DPP10: variants seen among roughly 807,000 people sequenced by gnomAD.
DPP10 encodes inactive dipeptidyl peptidase 10.
In DPP10, 33 loss-of-function variants were observed where a neutral mutation model predicts 120.9. That is an observed-to-expected ratio of 0.27 (90% CI 0.21 to 0.37). DPP10 has a LOEUF of 0.37. DPP10 is among the 10% of genes least tolerant of loss of function. The pLI, the probability that DPP10 is intolerant of heterozygous loss-of-function variation, is 1.00. For synonymous variants in DPP10, 337 were observed against 326.1 expected (o/e 1.03, Z -0.36); for missense variants, 816 against 942.8 (o/e 0.87, Z 1.76).
At chr2:114,617,787 C>T (rs1693787464) in intron 1 of DPP10, among the ~76,000 whole-genome samples, 1 of 152,104 alleles carries the variant, frequency 6.6e-6, no homozygotes, top group Non-Finnish European at 1.5e-5. Flanking sequence ...TCATTATTTG[C>T]TATTACATTA....
intron 1 of DPP10, among the ~76,000 whole-genome samples, chr2:114,615,273 T>C (rs1693593059): frequency 1.3e-5 from 2 of 152,198 alleles, no homozygotes; most frequent in African/African-American, 4.8e-5. Context: ...TCTAAATTAC[T>C]GAAAATTATC....
chr2:114,867,596 G>A (rs1470672208), intron 1 of DPP10, among the ~76,000 whole-genome samples: 2 of 152,132 alleles, frequency 1.3e-5, no homozygotes, highest in Admixed American at 1.3e-4. Flanking sequence ...ACGAGCCTTG[G>A]CGTCTGTCTT....
At chr2:114,890,733 A>G (rs998120853) in intron 1 of DPP10, among the ~76,000 whole-genome samples, 1 of 152,234 alleles carries the variant, frequency 6.6e-6, no homozygotes, top group African/African-American at 2.4e-5. Flanking sequence ...GTGAGGCTCT[A>G]ATAACTTCGA....
chr2:115,581,108 T>C (rs531980676), intron 5 of DPP10, among the ~76,000 whole-genome samples: 1 of 152,252 alleles, frequency 6.6e-6, no homozygotes, highest in East Asian at 1.9e-4. Flanking sequence ...AGGAACATAA[T>C]TGAGTTTCGT....
chr2:115,019,519 C>A (rs1325943680), intron 1 of DPP10, among the ~76,000 whole-genome samples: 1 of 152,080 alleles, frequency 6.6e-6, no homozygotes, highest in Non-Finnish European at 1.5e-5. Flanking sequence ...AAGTTTGGGA[C>A]TACGTTAAAC....
intron 1 of DPP10, among the ~76,000 whole-genome samples, chr2:114,953,535 ATTAT>A (rs1282812265): frequency 1.3e-5 from 2 of 151,886 alleles, no homozygotes; most frequent in Admixed American, 6.6e-5. Context: ...GTACTAAATG[ATTAT>A]TTATTAAGGT....
intron 1 of DPP10, among the ~76,000 whole-genome samples, chr2:114,610,861 GT>G (rs1370452515): frequency 6.6e-6 from 1 of 151,864 alleles, no homozygotes; most frequent in East Asian, 1.9e-4. Context: ...CCCACCCTCT[GT>G]TGCCTAATCC....
intron 5 of DPP10, among the ~76,000 whole-genome samples, chr2:115,650,421 G>T (rs532902800): frequency 0.017 from 2,230 of 132,066 alleles, 63 homozygotes; most frequent in African/African-American, 0.058. Context: ...GGGGGGGGGG[G>T]ATAATCCACT....
intron 1 of DPP10, among the ~76,000 whole-genome samples, chr2:114,480,046 C>T (rs540975313): frequency 7.2e-5 from 11 of 152,216 alleles, no homozygotes; most frequent in East Asian, 5.8e-4. Flanking sequence ...AAAAAGTGGG[C>T]GAAGGATATG....
At chr2:115,247,964 TA>T (rs2058605364) in intron 1 of DPP10, among the ~76,000 whole-genome samples, 1 of 152,154 alleles carries the variant, frequency 6.6e-6, no homozygotes, top group Non-Finnish European at 1.5e-5. Context: ...CATAACATGG[TA>T]AACCCTTGGA....
intron 3 of DPP10, among the ~76,000 whole-genome samples, chr2:115,359,467 A>G (rs1269683685): frequency 6.6e-6 from 1 of 152,122 alleles, no homozygotes; most frequent in Non-Finnish European, 1.5e-5. Flanking sequence ...TTTTGTTTGT[A>G]AGGCTTCTGA....
intron 1 of DPP10, among the ~76,000 whole-genome samples, chr2:114,603,147 A>G (rs1386666179): frequency 6.6e-6 from 1 of 152,060 alleles, no homozygotes; most frequent in East Asian, 1.9e-4. Flanking sequence ...TAGTCATTGT[A>G]ATAATAAAAA....
intron 1 of DPP10, among the ~76,000 whole-genome samples, chr2:115,067,638 G>A (rs1265459321): frequency 6.8e-6 from 1 of 147,404 alleles, no homozygotes; most frequent in East Asian, 2.1e-4. Context: ...TCGAGGCAGG[G>A]GGATCACGAG....
At chr2:115,515,656 G>A (rs2077466566) in intron 4 of DPP10, among the ~76,000 whole-genome samples, 1 of 151,978 alleles carries the variant, frequency 6.6e-6, no homozygotes, top group South Asian at 2.1e-4. Context: ...AGGATGTTCT[G>A]TGTTTCACAT....
At chr2:114,532,068 G>C (rs906413641) in intron 1 of DPP10, among the ~76,000 whole-genome samples, 1 of 151,436 alleles carries the variant, frequency 6.6e-6, no homozygotes, top group African/African-American at 2.4e-5. Flanking sequence ...TGTAGACGTG[G>C]GTGCTCCCAG....
chr2:114,992,566 A>G (rs1285904873), intron 1 of DPP10, among the ~76,000 whole-genome samples: 1 of 152,210 alleles, frequency 6.6e-6, no homozygotes, highest in Non-Finnish European at 1.5e-5. Context: ...GTTTGCAACC[A>G]AAGAACCATA....
At chr2:115,414,613 A>G (rs2104611606) in intron 3 of DPP10, among the ~76,000 whole-genome samples, 1 of 152,306 alleles carries the variant, frequency 6.6e-6, no homozygotes, top group South Asian at 2.1e-4. Context: ...CATTTTTGAA[A>G]CATTTTGAGC....
At chr2:115,106,947 T>C (rs62164536) in intron 1 of DPP10, among the ~76,000 whole-genome samples, 23,415 of 151,436 alleles carry the variant, frequency 0.15, 2,002 homozygotes, top group Non-Finnish European at 0.19. Flanking sequence ...TGGTGGCAGG[T>C]GCCTGTAGTC....
intron 1 of DPP10, among the ~76,000 whole-genome samples, chr2:114,579,560 A>C (rs1217163459): frequency 1.3e-5 from 2 of 152,212 alleles, no homozygotes; most frequent in African/African-American, 4.8e-5. Context: ...CTTTCTGTAG[A>C]ATTTATAACC....
Sources: allele counts gnomAD v4.1 joint callset (sites outside exome capture counted in the v4.1 genomes callset), GRCh38; gene constraint gnomAD v4.1.1; transcripts MANE v1.5; gene names NCBI Gene and HGNC (gene_info 2026-07-23, HGNC 2026-07-21).